The following SLC35G2 variants were observed in gnomAD, a reference collection of about 807,000 sequenced individuals.
SLC35G2 encodes solute carrier family 35 member G2, also known as transmembrane protein 22.
Under a neutral mutation model 27.2 loss-of-function variants are expected in SLC35G2, and 20 were observed. That is an observed-to-expected ratio of 0.74 (90% CI 0.52 to 1.07). The LOEUF (loss-of-function observed/expected upper bound fraction) is 1.07, where lower values mean the gene tolerates loss of function less well. Ranked by LOEUF, SLC35G2 falls within the 50% of genes least tolerant of loss-of-function variation. The probability of loss-of-function intolerance (pLI) is 0.00; values close to 1 mark genes in which losing one functional copy is unlikely to be tolerated. For synonymous variants in SLC35G2, 148 were observed against 165.3 expected (o/e 0.90, Z 0.80); for missense variants, 416 against 493.3 (o/e 0.84, Z 1.48).
chr3:136,844,987 G>T (rs527692196), intron 1 of SLC35G2, among the ~76,000 whole-genome samples: 1 of 152,078 alleles, frequency 6.6e-6, no homozygotes, highest in Non-Finnish European at 1.5e-5. Flanking sequence ...GAGAGCTGAA[G>T]TTAATGTGTT....
intron 1 of SLC35G2, among the ~76,000 whole-genome samples, chr3:136,823,980 C>T (rs1399179382): frequency 6.6e-6 from 1 of 152,070 alleles, no homozygotes; most frequent in African/African-American, 2.4e-5. Context: ...AAGAGACTGT[C>T]CTTTCTCCAG....
chr3:136,837,775 A>G (rs1356946442), intron 1 of SLC35G2: 1 of 152,100 alleles, frequency 6.6e-6, no homozygotes, highest in Non-Finnish European at 1.5e-5. Flanking sequence ...CCCTGAAAAT[A>G]GCATTGCTGG....
At chr3:136,830,108 T>C (rs1026955288) in intron 1 of SLC35G2, among the ~76,000 whole-genome samples, 31 of 21,844 alleles carry the variant, frequency 1.4e-3, no homozygotes, top group Non-Finnish European at 3.2e-3. Context: ...TTATTTCTTT[T>C]TTTTTTTTTT....
In SLC35G2 at chr3:136,854,470, T is replaced by C. The variant is rs766924146; in HGVS notation, c.10T>C (p.Ser4Pro). 3 of 1,575,890 alleles carry C rather than the reference T, an allele frequency of 1.9e-6. No individual in the cohort carries two copies. In the East Asian group the frequency reaches 6.8e-5, roughly 36 times the overall value. The change falls in exon 2 of 2, where the codon TCT becomes CCT. Residue 4 changes from serine (S) to proline (P), a missense_variant. Physicochemically the swap from Ser to Pro is moderately conservative, Grantham distance 74. Coordinates refer to ENST00000446465, the MANE Select transcript of SLC35G2 (RefSeq NM_025246.3). MDTSPSRKYPVKKR... is the reference protein window; with the variant it reads MDTPPSRKYPVKKR... The stretch of plus-strand genomic sequence containing the variant: ...TTGATTATCTGAAGAAATGGATACT[T>C]CTCCCTCCAGAAAATATCCAGTTAA...
chr3:136,843,722 C>A (rs1278471909), intron 1 of SLC35G2, among the ~76,000 whole-genome samples: 1 of 151,948 alleles, frequency 6.6e-6, no homozygotes, highest in Non-Finnish European at 1.5e-5. Flanking sequence ...CACCTGAGGT[C>A]ACAAGTTCGA....
chr3:136,823,756 T>G (rs920238847), intron 1 of SLC35G2, among the ~76,000 whole-genome samples: 1 of 122,020 alleles, frequency 8.2e-6, no homozygotes, highest in Admixed American at 9.5e-5. Flanking sequence ...CCACCACACC[T>G]GGCTAATTTT....
At chr3:136,853,166 G>A (rs1373578564) in intron 1 of SLC35G2, among the ~76,000 whole-genome samples, 1 of 152,060 alleles carries the variant, frequency 6.6e-6, no homozygotes, top group Non-Finnish European at 1.5e-5. Context: ...CACAATCTTG[G>A]CTCACTGCAA....
chr3:136,850,754 G>A (rs1937599036), intron 1 of SLC35G2, among the ~76,000 whole-genome samples: 1 of 151,966 alleles, frequency 6.6e-6, no homozygotes, highest in African/African-American at 2.4e-5. Context: ...AGCATTTTGA[G>A]AGGCTGAGGC....
chr3:136,854,977 G>A lies in SLC35G2; in HGVS notation c.517G>A (p.Val173Ile). 1 of 1,614,094 alleles carries A rather than the reference G, an allele frequency of 6.2e-7. No homozygotes were observed. The highest frequency in any genetic ancestry group is 1.1e-5 in the South Asian group (1 of 91,080). ...GYRLRLFFYG[V>I]CNVISITCAY... The stretch of plus-strand genomic sequence containing the variant: ...CAGATTACGACTCTTCTTTTATGGT[G>A]TATGCAATGTCATTTCTATCACTTG... Residue 173 changes from valine to isoleucine, a missense_variant, in exon 2 of 2, where the codon GTA becomes ATA. Coordinates refer to ENST00000446465, the MANE Select transcript of SLC35G2 (RefSeq NM_025246.3).
intron 1 of SLC35G2, among the ~76,000 whole-genome samples, chr3:136,852,148 T>C (rs1323515450): frequency 6.6e-6 from 1 of 152,194 alleles, no homozygotes; most frequent in Non-Finnish European, 1.5e-5. Context: ...TTTGGGATTG[T>C]TGAAGCTATG....
chr3:136,825,439 T>A lies in SLC35G2; in HGVS notation c.-19+5811T>A, dbSNP rs142700330. ...TGTATTTTTAGTAGAGGCAAGGTTT[T>A]GCCGTGTTGGCCAGGCTGGTCTCAA... is the stretch of plus-strand genomic sequence containing the variant. On this transcript the variant is annotated intron_variant, in intron 1 of 1. Transcript: ENST00000446465. Among the ~76,000 whole-genome samples the A allele has an allele frequency of 1.9e-4, 29 of 152,036 alleles. No homozygotes were observed. In the East Asian group the frequency reaches 4.5e-3, roughly 23 times the overall value.
chr3:136,854,725 C>A lies in SLC35G2; in HGVS notation c.265C>A (p.Gln89Lys), dbSNP rs756115147. The A allele has an allele frequency of 1.2e-5, 19 of 1,613,978 alleles. No homozygotes were observed. In the Middle Eastern group the frequency reaches 4.9e-4, roughly 42 times the overall value. Residue 89 changes from glutamine (Q) to lysine (K), a missense_variant, in exon 2 of 2, where the codon CAA becomes AAA. By Grantham distance (53) the Gln-to-Lys change is moderately conservative. Transcript: ENST00000446465. Reference protein sequence around the residue: ...TEDPMINEIGQFQSFAEKNIF... With the variant: ...TEDPMINEIGKFQSFAEKNIF... ...AGACCCAATGATCAATGAGATTGGA[C>A]AATTCCAGAGCTTTGCAGAAAAAAA...
intron 1 of SLC35G2, among the ~76,000 whole-genome samples, chr3:136,834,184 T>C (rs112183847): frequency 3.3e-5 from 5 of 152,300 alleles, no homozygotes; most frequent in African/African-American, 9.6e-5. Context: ...TAAAACATTA[T>C]ATGAACAGTG....
At chr3:136,832,020 A>ATT (rs34066008) in intron 1 of SLC35G2, among the ~76,000 whole-genome samples, 64 of 148,916 alleles carry the variant, frequency 4.3e-4, no homozygotes, top group East Asian at 1.8e-3. Flanking sequence ...ATCATTCTTC[A>ATT]TTTTTTTTTT....
intron 1 of SLC35G2, among the ~76,000 whole-genome samples, chr3:136,833,806 C>T (rs1936796014): frequency 6.6e-6 from 1 of 152,028 alleles, no homozygotes; most frequent in East Asian, 1.9e-4. Context: ...GTTGGGCACC[C>T]CTGCTGTAGA....
In SLC35G2 at chr3:136,855,046, A is replaced by T; in HGVS notation, c.586A>T (p.Thr196Ser). 6.2e-7 allele frequency: 1 copy of T among 1,614,202 alleles called. No homozygotes were observed. The highest frequency in any genetic ancestry group is 8.5e-7 in the Non-Finnish European group (1 of 1,180,038). The change falls in exon 2 of 2, where the codon ACT becomes TCT. Residue 196 changes from threonine to serine, a missense_variant. Coordinates refer to ENST00000446465, the MANE Select transcript of SLC35G2 (RefSeq NM_025246.3). Reference protein sequence around the residue: ...FSIVPPSNGTTMWRATTTVFS... With the variant: ...FSIVPPSNGTSMWRATTTVFS... ...AATAGTTCCTCCCAGCAATGGGACC[A>T]CTATGTGGAGAGCCACAACTACAGT... is the stretch of plus-strand genomic sequence containing the variant.
intron 1 of SLC35G2, among the ~76,000 whole-genome samples, chr3:136,823,762 A>ATTTTTT: frequency 7.0e-6 from 1 of 141,972 alleles, no homozygotes; most frequent in Non-Finnish European, 1.5e-5. Context: ...CACCTGGCTA[A>ATTTTTT]TTTTTTTTTT....
intron 1 of SLC35G2, among the ~76,000 whole-genome samples, chr3:136,844,204 A>C (rs1937246287): frequency 6.6e-6 from 1 of 151,800 alleles, no homozygotes; most frequent in Non-Finnish European, 1.5e-5. Context: ...AAGAAGAAAA[A>C]AACAGCCAGG....
At chr3:136,821,184 G>A (rs1315660894) in intron 1 of SLC35G2, among the ~76,000 whole-genome samples, 1 of 152,002 alleles carries the variant, frequency 6.6e-6, no homozygotes, top group Non-Finnish European at 1.5e-5. Flanking sequence ...GAAAACCATT[G>A]TAAACAGATT....
Sources: allele counts gnomAD v4.1 joint callset (sites outside exome capture counted in the v4.1 genomes callset), GRCh38; gene constraint gnomAD v4.1.1; transcripts MANE v1.5; gene names NCBI Gene and HGNC (gene_info 2026-07-23, HGNC 2026-07-21).